ARFGEF3: variants seen among roughly 807,000 people sequenced by gnomAD.
ARFGEF3 encodes ARFGEF family member 3.
Under a neutral mutation model 221.7 loss-of-function variants are expected in ARFGEF3, and 96 were observed. That is an observed-to-expected ratio of 0.43 (90% CI 0.37 to 0.51). The LOEUF (loss-of-function observed/expected upper bound fraction) is 0.51, where lower values mean the gene tolerates loss of function less well. Ranked by LOEUF, ARFGEF3 falls within the 20% of genes least tolerant of loss-of-function variation. ARFGEF3 has a pLI of 0.00. For missense variants in ARFGEF3, 2,410 were observed against 2,789.9 expected, an observed-to-expected ratio of 0.86 and a Z score of 3.07; for synonymous variants, 1,145 against 1,126.8, an observed-to-expected ratio of 1.02 and a Z score of -0.32.
At chr6:138,237,946 T>C (rs985527395) in intron 5 of ARFGEF3, among the ~76,000 whole-genome samples, 2 of 152,268 alleles carry the variant, frequency 1.3e-5, no homozygotes, top group African/African-American at 2.4e-5. Flanking sequence ...TGATTCACAG[T>C]TCTCCCAATT....
At chr6:138,172,177 A>G (rs1022195918) in intron 2 of ARFGEF3, among the ~76,000 whole-genome samples, 1 of 152,232 alleles carries the variant, frequency 6.6e-6, no homozygotes, top group Non-Finnish European at 1.5e-5. Flanking sequence ...GTCTGGCAAC[A>G]ACATGTTTGT....
chr6:138,254,911 T>C (rs899278233), intron 9 of ARFGEF3, among the ~76,000 whole-genome samples: 3 of 152,148 alleles, frequency 2.0e-5, no homozygotes, highest in African/African-American at 7.2e-5. Context: ...ATGTAACTTA[T>C]GCAGGGGGCA....
At chr6:138,243,093 C>T (rs1415699847) in intron 7 of ARFGEF3, 99 bp downstream of exon 7, 4 of 953,922 alleles carry the variant, frequency 4.2e-6, no homozygotes, top group Non-Finnish European at 6.6e-6. Context: ...TAGGAGCTCT[C>T]GGTTGTTTTA....
At chr6:138,292,075 C>T (rs776691744) in intron 19 of ARFGEF3, 22 bp downstream of exon 19, 4 of 1,395,020 alleles carry the variant, frequency 2.9e-6, no homozygotes, top group African/African-American at 1.5e-5. Flanking sequence ...CGGCCTCCCA[C>T]GCCCCGGGAG....
chr6:138,279,077 C>T (rs887146243), intron 13 of ARFGEF3, among the ~76,000 whole-genome samples: 2 of 152,144 alleles, frequency 1.3e-5, no homozygotes, highest in Non-Finnish European at 2.9e-5. Flanking sequence ...GTGGTGTGAG[C>T]ATGGCATGGC....
intron 2 of ARFGEF3, among the ~76,000 whole-genome samples, chr6:138,177,678 T>C (rs983102619): frequency 2.6e-5 from 4 of 152,094 alleles, no homozygotes; most frequent in African/African-American, 9.7e-5. Context: ...TTTTTCCTTA[T>C]ATTTTGCCTC....
chr6:138,312,043 C>A (rs1583061917), intron 25 of ARFGEF3, among the ~76,000 whole-genome samples: 1 of 152,220 alleles, frequency 6.6e-6, no homozygotes, highest in East Asian at 1.9e-4. Context: ...GTAATCTCAG[C>A]TACTGGGGAG....
intron 2 of ARFGEF3, among the ~76,000 whole-genome samples, chr6:138,202,116 C>T (rs1027497763): frequency 2.0e-5 from 3 of 152,220 alleles, no homozygotes; most frequent in African/African-American, 7.2e-5. Flanking sequence ...CTGGGGGCCA[C>T]TGCCTTTATT....
intron 2 of ARFGEF3, among the ~76,000 whole-genome samples, chr6:138,198,051 C>T (rs993597478): frequency 6.6e-6 from 1 of 151,972 alleles, no homozygotes; most frequent in African/African-American, 2.4e-5. Context: ...TTGGATTTTT[C>T]TTATATACAT....
At chr6:138,193,639 T>C (rs910487435) in intron 2 of ARFGEF3, among the ~76,000 whole-genome samples, 47 of 152,240 alleles carry the variant, frequency 3.1e-4, no homozygotes, top group Admixed American at 5.2e-4. Flanking sequence ...ACTGTTGTGT[T>C]AACTGGTAAT....
In ARFGEF3 at chr6:138,321,133, C is replaced by T. The variant is rs1562215266; in HGVS notation, c.4674C>T (p.Ile1558=). ...LHSDIRYESM[I]NTMLKDLFEL... ...TAGATATCAGGTACGAGAGCATGAT[C>T]AATACCATGCTGAAGGACCTCTTTG... Residue 1558 remains isoleucine (I), a synonymous_variant, in exon 29 of 34, where the codon ATC becomes ATT. Coordinates refer to ENST00000251691, the MANE Select transcript of ARFGEF3 (RefSeq NM_020340.5). 1.3e-6 allele frequency: 2 copies of T among 1,558,588 alleles called. No individual in the cohort carries two copies. The highest frequency in any genetic ancestry group is 1.7e-6 in the Non-Finnish European group (2 of 1,148,880).
chr6:138,327,711 T>A lies in ARFGEF3; in HGVS notation c.5002-310T>A, dbSNP rs78143687. ...TAATCTTTTACAAAGCCCCTCTTTATTTACTTGTAGTTAATATTAAGTGTC... is the reference window on the plus strand; with the variant it reads ...TAATCTTTTACAAAGCCCCTCTTTAATTACTTGTAGTTAATATTAAGTGTC... On this transcript the variant is annotated intron_variant, in intron 31 of 33. Coordinates refer to ENST00000251691, the MANE Select transcript of ARFGEF3 (RefSeq NM_020340.5). Among the ~76,000 whole-genome samples, 556 of 151,976 alleles carry A rather than the reference T, an allele frequency of 3.7e-3. 5 individuals carry two copies. Among genetic ancestry groups the A allele is most frequent in the African/African-American group, 0.013 (537 of 41,296 alleles).
At chr6:138,238,368 A>G in intron 5 of ARFGEF3, 141 bp from the exon 6 acceptor site, 1 of 677,800 alleles carries the variant, frequency 1.5e-6, no homozygotes. Flanking sequence ...ATATTTAGTT[A>G]TATTTAGTAA....
chr6:138,302,851 G>C (rs1779650738), intron 22 of ARFGEF3, among the ~76,000 whole-genome samples: 1 of 152,156 alleles, frequency 6.6e-6, no homozygotes, highest in African/African-American at 2.4e-5. Flanking sequence ...CAAATTTGGA[G>C]AATATCTTGC....
chr6:138,235,279 T>C (rs1778264972), intron 5 of ARFGEF3, among the ~76,000 whole-genome samples: 1 of 152,212 alleles, frequency 6.6e-6, no homozygotes, highest in South Asian at 2.1e-4. Flanking sequence ...TGCTTACAAA[T>C]CAGTGAAATG....
chr6:138,277,639 G>A (rs974292530), intron 12 of ARFGEF3, among the ~76,000 whole-genome samples: 6 of 151,950 alleles, frequency 3.9e-5, no homozygotes, highest in Admixed American at 1.3e-4. Flanking sequence ...TTACTCATTC[G>A]GCAAATGTTT....
chr6:138,238,330 TA>T (rs1379765050), intron 5 of ARFGEF3, among the ~76,000 whole-genome samples, 178 bp from the exon 6 acceptor site: 1 of 152,196 alleles, frequency 6.6e-6, no homozygotes, highest in Non-Finnish European at 1.5e-5. Flanking sequence ...CCTATATGCT[TA>T]AAAACAAATT....
At chr6:138,164,127 G>A (rs1776673823) in intron 1 of ARFGEF3, among the ~76,000 whole-genome samples, 1 of 152,196 alleles carries the variant, frequency 6.6e-6, no homozygotes, top group Admixed American at 6.5e-5. Context: ...CATGAACAAA[G>A]GCCTATAGGG....
At chr6:138,181,285 G>A (rs901342456) in intron 2 of ARFGEF3, among the ~76,000 whole-genome samples, 4 of 152,096 alleles carry the variant, frequency 2.6e-5, no homozygotes, top group Admixed American at 6.5e-5. Context: ...GGATGTGCAC[G>A]AATTATTAAT....
Sources: allele counts gnomAD v4.1 joint callset (sites outside exome capture counted in the v4.1 genomes callset), GRCh38; gene constraint gnomAD v4.1.1; transcripts MANE v1.5; gene names NCBI Gene and HGNC (gene_info 2026-07-23, HGNC 2026-07-21).